Variants in NPRL3 observed in about 807,000 individuals in gnomAD.
NPRL3 encodes the protein NPR3 like, GATOR1 complex subunit.
A neutral mutation model predicts 57.2 loss-of-function variants in NPRL3; 23 were observed. That is an observed-to-expected ratio of 0.40 (90% CI 0.29 to 0.57). The LOEUF is 0.57. NPRL3 is among the 20% of genes least tolerant of loss of function. The probability of loss-of-function intolerance (pLI) is 0.42; values close to 1 mark genes in which losing one functional copy is unlikely to be tolerated. For missense variants in NPRL3, 691 were observed against 767.1 expected (o/e 0.90, Z 1.17); for synonymous variants, 333 against 321.1 (o/e 1.04, Z -0.39).
At chr16:121,209 T>A (rs1376671458) in intron 3 of NPRL3, among the ~76,000 whole-genome samples, 1 of 152,190 alleles carries the variant, frequency 6.6e-6, no homozygotes. Flanking sequence ...GTAGCCCAGT[T>A]CGCGTTTATA....
intron 8 of NPRL3, 65 bp downstream of exon 8, chr16:100,307 A>T: frequency 7.2e-7 from 1 of 1,390,952 alleles, no homozygotes. Context: ...AAGTGGTAAA[A>T]TCTCAGGCAG....
chr16:89,599 T>C (rs1898668110), intron 12 of NPRL3, 114 bp downstream of exon 12: 1 of 964,418 alleles, frequency 1.0e-6, no homozygotes, highest in African/African-American at 1.7e-5. Flanking sequence ...TGCATGTGCG[T>C]GTGCAGCTGT....
In NPRL3 at chr16:100,856, A is replaced by T. The variant is rs956366560; in HGVS notation, c.630-347T>A. Among the ~76,000 whole-genome samples, 80 of 149,138 alleles carry T rather than the reference A, an allele frequency of 5.4e-4. 1 individual carries two copies. Among genetic ancestry groups the T allele is most frequent in the African/African-American group, 1.9e-3 (77 of 40,506 alleles). The stretch of plus-strand genomic sequence containing the variant: ...TGTGGTGGCGGGCGCCTGTAGTCCC[A>T]GCTACTCGGGAGGCTGAGGCAGGAG... On this transcript the variant is annotated intron_variant, in intron 7 of 13. Coordinates refer to ENST00000611875, the MANE Select transcript of NPRL3 (RefSeq NM_001077350.3).
chr16:130,485 G>A, intron 3 of NPRL3, 37 bp downstream of exon 3: 1 of 1,538,926 alleles, frequency 6.5e-7, no homozygotes, highest in Non-Finnish European at 8.8e-7. Flanking sequence ...CTGGGACCAG[G>A]ACACGCCCCG....
At chr16:92,570 G>A in intron 11 of NPRL3, 26 bp downstream of exon 11, 1 of 1,609,986 alleles carries the variant, frequency 6.2e-7, no homozygotes, top group Non-Finnish European at 8.5e-7. Flanking sequence ...CTGCCACTCT[G>A]GGCTCCTTGA....
At chr16:116,932 G>A (rs372040918) in intron 5 of NPRL3, among the ~76,000 whole-genome samples, 5 of 151,672 alleles carry the variant, frequency 3.3e-5, no homozygotes, top group African/African-American at 4.9e-5. Context: ...CCAAGATTGC[G>A]CTACTACACT....
At chr16:128,664 A>G (rs1214011078) in intron 3 of NPRL3, among the ~76,000 whole-genome samples, 1 of 152,118 alleles carries the variant, frequency 6.6e-6, no homozygotes, top group Non-Finnish European at 1.5e-5. Context: ...GCTACTCCGG[A>G]GGCTGAGGCA....
intron 2 of NPRL3, among the ~76,000 whole-genome samples, chr16:136,315 CA>C (rs1417388433): frequency 1.3e-5 from 2 of 152,208 alleles, no homozygotes; most frequent in African/African-American, 2.4e-5. Flanking sequence ...TGATCTACAT[CA>C]AAGATGCAGA....
chr16:133,575 T>C (rs187905989), intron 2 of NPRL3, among the ~76,000 whole-genome samples: 2 of 152,288 alleles, frequency 1.3e-5, no homozygotes, highest in East Asian at 3.9e-4. Flanking sequence ...CTCCCTATGT[T>C]GCCCAGGCTA....
At chr16:101,987 C>A (rs1028564268) in intron 7 of NPRL3, among the ~76,000 whole-genome samples, 1 of 152,176 alleles carries the variant, frequency 6.6e-6, no homozygotes, top group Non-Finnish European at 1.5e-5. Context: ...ATTCTCTGCT[C>A]TCTACACATT....
At position 115,490 on chromosome 16, in the gene NPRL3, C is replaced by CAT. The variant is rs1899991350; in HGVS notation, c.393+1810_393+1811insAT. Among the ~76,000 whole-genome samples the CAT allele has an allele frequency of 2.8e-5, 4 of 145,018 alleles. No homozygotes were observed. In the South Asian group the frequency reaches 6.4e-4, roughly 23 times the overall value. ...TCCTAGACTATCTTGTTTCCTGTTG[C>CAT]TTTTTTTTTTTTGAGCTGGAGTTTC... is the stretch of plus-strand genomic sequence containing the variant. On this transcript the variant is annotated intron_variant, in intron 5 of 13. Coordinates refer to ENST00000611875, the MANE Select transcript of NPRL3 (RefSeq NM_001077350.3).
At chr16:134,795 G>A (rs1356697834) in intron 2 of NPRL3, among the ~76,000 whole-genome samples, 1 of 144,368 alleles carries the variant, frequency 6.9e-6, no homozygotes, top group East Asian at 2.1e-4. Context: ...TCCGCCTCCC[G>A]GGTTCACGCC....
chr16:115,691 G>A (rs569663346), intron 5 of NPRL3, among the ~76,000 whole-genome samples: 1 of 152,284 alleles, frequency 6.6e-6, no homozygotes, highest in East Asian at 1.9e-4. Flanking sequence ...TCTCCATGCT[G>A]GTCAGCCTGC....
At chr16:118,402 G>A (rs79933456) in intron 4 of NPRL3, among the ~76,000 whole-genome samples, 44 of 152,248 alleles carry the variant, frequency 2.9e-4, no homozygotes, top group African/African-American at 1.0e-3. Context: ...AAAAATAAGT[G>A]CTAAATAATA....
rs531932535 is a variant in NPRL3, at chr16:130,491, C to T, written c.188+31G>A. The T allele has an allele frequency of 7.5e-5, 115 of 1,543,216 alleles. No homozygotes were observed. In the South Asian group the frequency reaches 1.3e-3, roughly 17 times the overall value. On this transcript the variant is annotated intron_variant, in intron 3 of 13. Transcript: ENST00000611875. ...TGCCCAGGCCTGGGACCAGGACACG[C>T]CCCGCCCTGAAGTGGCCGCAGAGCC...
At chr16:138,121 C>T (rs768134092) in intron 2 of NPRL3, 29 bp downstream of exon 2, 1 of 1,542,014 alleles carries the variant, frequency 6.5e-7, no homozygotes, top group Non-Finnish European at 8.8e-7. Flanking sequence ...CCCCCGCGAG[C>T]GCCAGGCCCC....
chr16:131,092 T>C (rs1426285275), intron 2 of NPRL3, among the ~76,000 whole-genome samples: 1 of 152,214 alleles, frequency 6.6e-6, no homozygotes, highest in Non-Finnish European at 1.5e-5. Context: ...CCCAACCCTT[T>C]AGGAGGCCAA....
rs1276352089 is a variant in NPRL3 at position 85,449 on chromosome 16, T to C, written c.*1256A>G. Reference sequence around the variant, plus strand: ...CGAGCACTGGAGCCCCTGGAAGGTCTGGAGACCATGCGTCAGCTTCGCAGC... The same window carrying C: ...CGAGCACTGGAGCCCCTGGAAGGTCCGGAGACCATGCGTCAGCTTCGCAGC... On this transcript the variant is annotated 3_prime_UTR_variant, in exon 14 of 14. Transcript: ENST00000611875. 1.9e-6 allele frequency: 3 copies of C among 1,612,826 alleles called. No homozygotes were observed. The Admixed American group carries it at 5.0e-5, about 27-fold the overall frequency.
chr16:124,274 G>A (rs544428050), intron 3 of NPRL3, among the ~76,000 whole-genome samples: 1 of 152,242 alleles, frequency 6.6e-6, no homozygotes, highest in East Asian at 1.9e-4. Flanking sequence ...GCACAAGGCT[G>A]GCAGAGCTGG....
Sources: gnomAD v4.1 joint callset for allele counts (sites outside exome capture counted in the v4.1 genomes callset) on GRCh38, gnomAD v4.1.1 for gene constraint, MANE v1.5 for transcripts, NCBI Gene and HGNC (gene_info 2026-07-23, HGNC 2026-07-21) for gene names.